Variants in RBM10 observed in about 807,000 individuals in gnomAD.
The protein encoded by RBM10 is RNA-binding protein 10.
Under a neutral mutation model 84.9 loss-of-function variants are expected in RBM10, and 1 was observed. The observed-to-expected ratio is 0.01, with a 90% CI of 0.00 to 0.06. The LOEUF is 0.06. Among genes scored for constraint, RBM10 ranks in the 10% least tolerant of loss-of-function variants. RBM10 has a pLI of 1.00. For missense variants in RBM10, 438 were observed against 839.0 expected, an observed-to-expected ratio of 0.52 and a Z score of 5.90; for synonymous variants, 326 against 344.5, an observed-to-expected ratio of 0.95 and a Z score of 0.60.
intron 2 of RBM10, among the ~76,000 whole-genome samples, chrX:47,152,441 CTTTTTTTTT>C (rs782688935): frequency 4.6e-5 from 3 of 65,235 alleles, no homozygotes; most frequent in African/African-American, 7.2e-5. Context: ...CACTCTATAT[CTTTTTTTTT>C]TTTTTTTTTT....
At chrX:47,162,076 C>T (rs1050738745) in intron 2 of RBM10, among the ~76,000 whole-genome samples, 3 of 111,569 alleles carry the variant, frequency 2.7e-5, no homozygotes, top group African/African-American at 6.5e-5. Flanking sequence ...CTCCTGATCT[C>T]GTGATCCGCC....
intron 2 of RBM10, among the ~76,000 whole-genome samples, chrX:47,162,102 C>T (rs1471546391): frequency 8.9e-6 from 1 of 112,310 alleles, no homozygotes; most frequent in Non-Finnish European, 1.9e-5. Context: ...TGGCCTCCCA[C>T]AGTGCTGGGA....
chrX:47,185,826 T>C, intron 21 of RBM10, 36 bp downstream of exon 21: 1 of 1,204,201 alleles, frequency 8.3e-7, no homozygotes, highest in Non-Finnish European at 1.1e-6. Context: ...CCCTCCCCTG[T>C]GTCCCTTCCA....
Position 47,186,813 on chromosome X carries a change from A to T in RBM10, c.*214A>T. ...TTGTAATAAAAGCTGAAAAGTCTGC[A>T]TGTTGGCCTCTCCTCTTTCTCGTGC... On this transcript the variant is annotated 3_prime_UTR_variant, in exon 24 of 24. Transcript: ENST00000377604. 3 of 473,738 alleles carry T rather than the reference A, an allele frequency of 6.3e-6. No homozygotes were observed. The Admixed American group carries it at 9.1e-5, about 14-fold the overall frequency. The allele number at this position is 473,738 out of a possible 1,213,427, so 39.0% of individuals were successfully genotyped here. A position where few individuals can be genotyped will look rare whatever the true frequency, so the allele number is the denominator to read the frequency against.
chrX:47,184,686 T>C (rs1053127201), intron 17 of RBM10, among the ~76,000 whole-genome samples: 1 of 111,065 alleles, frequency 9.0e-6, no homozygotes, highest in African/African-American at 3.3e-5. Context: ...ACCTCACCAT[T>C]GCAAACCAGT....
At chrX:47,155,521 A>G (rs1933030273) in intron 2 of RBM10, among the ~76,000 whole-genome samples, 1 of 108,919 alleles carries the variant, frequency 9.2e-6, no homozygotes, top group Non-Finnish European at 1.9e-5. Flanking sequence ...TCACGAGGTC[A>G]GGAGATCAAG....
rs1412245412 is a variant in RBM10 at position 47,185,814 on chromosome X, C to G, written c.2430+24C>G. Reference sequence around the variant, plus strand: ...AGGTGAGGTGTGACCTGACCCTGGGCTCCCTCCCCTGTGTCCCTTCCAAGT... The same window carrying G: ...AGGTGAGGTGTGACCTGACCCTGGGGTCCCTCCCCTGTGTCCCTTCCAAGT... On this transcript the variant is annotated intron_variant, in intron 21 of 23. Transcript: ENST00000377604. 15 of 1,204,903 alleles carry G rather than the reference C, an allele frequency of 1.2e-5. No homozygotes were observed. In the Admixed American group the frequency reaches 2.2e-4, roughly 18 times the overall value.
At chrX:47,163,056 CAAA>C (rs367958692) in intron 2 of RBM10, among the ~76,000 whole-genome samples, 1 of 91,072 alleles carries the variant, frequency 1.1e-5, no homozygotes, top group African/African-American at 4.0e-5. Context: ...TATGCTTCTC[CAAA>C]AAAAAAAAAA....
At chrX:47,181,474 CA>C (rs1556779328) in intron 13 of RBM10, 32 bp from the exon 14 acceptor site, 1 of 1,211,248 alleles carries the variant, frequency 8.3e-7, no homozygotes, top group East Asian at 3.0e-5. Flanking sequence ...CCATTATTCA[CA>C]GGCATTGTCC....
chrX:47,176,608 G>GT (rs1569189704), intron 7 of RBM10, 22 bp downstream of exon 7: 1 of 1,207,564 alleles, frequency 8.3e-7, no homozygotes, highest in African/African-American at 1.8e-5. Context: ...GTGGGCAGCA[G>GT]TTGTCATGGA....
At chrX:47,145,636 GTTTTTTTTT>G (rs1160810665) in intron 1 of RBM10, 151 bp downstream of exon 1, 6 of 68,562 alleles carry the variant, frequency 8.8e-5, no homozygotes, top group Non-Finnish European at 1.3e-4. Context: ...TTTTTTTTTG[GTTTTTTTTT>G]TTTTTTTTTT....
In RBM10 at chrX:47,169,512, G is replaced by GC; in HGVS notation, c.201+15dup. On this transcript the variant is annotated intron_variant, in intron 3 of 23. Transcript: ENST00000377604. ...CAGAGTGCGGAGGTGAGGAGGGGGC[G>GC]CGCTGCGCCAGGCCTGGCTGGGATG... The GC allele has an allele frequency of 8.3e-7, 1 of 1,198,733 alleles. No homozygotes were observed. The highest frequency in any genetic ancestry group is 1.1e-6 in the Non-Finnish European group (1 of 888,952).
intron 4 of RBM10, among the ~76,000 whole-genome samples, chrX:47,172,633 G>A (rs1934756807): frequency 2.7e-5 from 3 of 112,837 alleles, no homozygotes; most frequent in Admixed American, 1.9e-4. Flanking sequence ...GCTGGGATTT[G>A]CTCAGACTCC....
chrX:47,166,770 C>A (rs956860748), intron 2 of RBM10, among the ~76,000 whole-genome samples: 1 of 106,863 alleles, frequency 9.4e-6, no homozygotes, highest in Non-Finnish European at 1.9e-5. Flanking sequence ...TCTCACCTAG[C>A]AAAATTTTCT....
In RBM10 at chrX:47,183,726, C is replaced by T. The variant is rs782514773; in HGVS notation, c.1951-1329C>T. 1.3e-4 allele frequency among the ~76,000 whole-genome samples: 14 copies of T among 110,362 alleles called. No homozygotes were observed. In the South Asian group the frequency reaches 4.3e-3, roughly 34 times the overall value. On this transcript the variant is annotated intron_variant, in intron 17 of 23. Transcript: ENST00000377604. ...TTATTATTTTTTTGAGATGGAGTTT[C>T]GCTCTTATCATCCAGGCTGGAGTGC... is the stretch of plus-strand genomic sequence containing the variant.
At position 47,185,601 on chromosome X, in the gene RBM10, C is replaced by A. The variant is rs1556782020; in HGVS notation, c.2326C>A (p.Arg776=). Residue 776 remains arginine (R), a synonymous_variant, in exon 20 of 24, where the codon CGG becomes AGG. Transcript: ENST00000377604. Reference sequence around the variant, plus strand: ...GTTCCCCAGCAAAGAGGCGCTCATCCGGCACCAGCAGCTCTCAGGGCTCCA... The same window carrying A: ...GTTCCCCAGCAAAGAGGCGCTCATCAGGCACCAGCAGCTCTCAGGGCTCCA... ...RQFPSKEALI[R]HQQLSGLHKQ... 1 of 1,206,290 alleles carries A rather than the reference C, an allele frequency of 8.3e-7. No homozygotes were observed.
At chrX:47,170,952 A>G (rs1189064864) in intron 3 of RBM10, 76 bp from the exon 4 acceptor site, 48 of 1,056,642 alleles carry the variant, frequency 4.5e-5, no homozygotes, top group Non-Finnish European at 5.3e-6. Context: ...CCTGCCTCAC[A>G]GAGCCAGCGG....
Position 47,181,300 on chromosome X carries a change from G to A in RBM10, c.1334G>A (p.Gly445Asp), listed in dbSNP as rs2147184902. The A allele has an allele frequency of 8.4e-7, 1 of 1,186,718 alleles. No homozygotes were observed. Among genetic ancestry groups the A allele is most frequent in the Non-Finnish European group, 1.1e-6 (1 of 882,684 alleles). ...TACTACCAACAGGATGAGGGCTATG[G>A]CAACAGCCAGGGCACAGAGTCTTCC... ...YSYYQQDEGY[G>D]NSQGTESSLY... Residue 445 changes from glycine to aspartate, a missense_variant, in exon 13 of 24, where the codon GGC becomes GAC. Around this residue, in one of 8 missense-constraint regions of RBM10, gnomAD observed 97 missense variants for 110.3 expected, o/e 0.88. Transcript: ENST00000377604.
chrX:47,182,839 G>A (rs1935643295), intron 17 of RBM10, among the ~76,000 whole-genome samples: 1 of 112,340 alleles, frequency 8.9e-6, no homozygotes, highest in Non-Finnish European at 1.9e-5. Context: ...TGTGCTGGGG[G>A]GAACATGGAA....
Sources: allele counts gnomAD v4.1 joint callset (sites outside exome capture counted in the v4.1 genomes callset), GRCh38; gene constraint gnomAD v4.1.1; regional missense constraint gnomAD v4.1.1; transcripts MANE v1.5; gene names NCBI Gene and HGNC (gene_info 2026-07-23, HGNC 2026-07-21).